The following CCDC91 variants were observed in gnomAD, a reference collection of about 807,000 sequenced individuals.
The protein encoded by CCDC91 is coiled-coil domain-containing protein 91.
In CCDC91, 48 loss-of-function variants were observed where a neutral mutation model predicts 63.2. That is an observed-to-expected ratio of 0.76 (90% confidence interval 0.60 to 0.97). The LOEUF (loss-of-function observed/expected upper bound fraction) is 0.97, where lower values mean the gene tolerates loss of function less well. CCDC91 is among the 50% of genes least tolerant of loss of function. The pLI is 0.00. For synonymous variants in CCDC91, 167 were observed against 165.8 expected (o/e 1.01, Z -0.06); for missense variants, 500 against 494.6 (o/e 1.01, Z -0.10).
chr12:28,522,405 G>C (rs1940788553), intron 12 of CCDC91, among the ~76,000 whole-genome samples: 1 of 152,100 alleles, frequency 6.6e-6, no homozygotes, highest in Non-Finnish European at 1.5e-5. Context: ...ATTTCTGTGG[G>C]ATCGGTGGTG....
chr12:28,304,374 C>T (rs12228567), intron 3 of CCDC91, among the ~76,000 whole-genome samples: 2 of 29,932 alleles, frequency 6.7e-5, no homozygotes, highest in African/African-American at 1.2e-4. Context: ...GAGACTCCGT[C>T]TAAAAAAAAA....
intron 8 of CCDC91, among the ~76,000 whole-genome samples, chr12:28,396,767 T>TG (rs957238547): frequency 1.2e-4 from 18 of 151,990 alleles, no homozygotes; most frequent in African/African-American, 4.1e-4. Flanking sequence ...TTTTTCTGTA[T>TG]GGGGTCCAAA....
At chr12:28,267,963 A>C (rs1300296253) in intron 3 of CCDC91, among the ~76,000 whole-genome samples, 2 of 111,906 alleles carry the variant, frequency 1.8e-5, no homozygotes, top group Non-Finnish European at 3.4e-5. Context: ...ATATAATTAT[A>C]TATAATTAAT....
intron 6 of CCDC91, among the ~76,000 whole-genome samples, chr12:28,349,658 T>G (rs1352153251): frequency 6.6e-6 from 1 of 152,168 alleles, no homozygotes. Context: ...CCATTTAGTC[T>G]CCTGTCTGGT....
At chr12:28,310,119 A>G (rs1016655700) in intron 6 of CCDC91, among the ~76,000 whole-genome samples, 3 of 152,004 alleles carry the variant, frequency 2.0e-5, no homozygotes, top group Non-Finnish European at 4.4e-5. Context: ...GTGTATAGCC[A>G]CACTTACTGA....
intron 7 of CCDC91, among the ~76,000 whole-genome samples, chr12:28,387,063 AG>A (rs1438260756): frequency 1.3e-5 from 2 of 152,206 alleles, no homozygotes; most frequent in African/African-American, 4.8e-5. Context: ...AGAAACGTAA[AG>A]GAATCTCTGT....
chr12:28,274,086 A>G (rs1351514485), intron 3 of CCDC91, among the ~76,000 whole-genome samples: 1 of 152,192 alleles, frequency 6.6e-6, no homozygotes, highest in Non-Finnish European at 1.5e-5. Flanking sequence ...GGCACCATTT[A>G]TTAAACAGGG....
At chr12:28,253,364 G>C (rs1463780611) in intron 1 of CCDC91, among the ~76,000 whole-genome samples, 1 of 152,032 alleles carries the variant, frequency 6.6e-6, no homozygotes, top group South Asian at 2.1e-4. Context: ...ACTTCACCTA[G>C]TCCACCTGTG....
At chr12:28,218,844 T>C (rs1943744381) in intron 1 of CCDC91, among the ~76,000 whole-genome samples, 1 of 152,150 alleles carries the variant, frequency 6.6e-6, no homozygotes, top group South Asian at 2.1e-4. Context: ...TGAGTAACAT[T>C]GTATGGATGT....
At chr12:28,191,308 A>G (rs1344061916) in intron 1 of CCDC91, 1 of 152,268 alleles carries the variant, frequency 6.6e-6, no homozygotes, top group African/African-American at 2.4e-5. Context: ...GTGGAACTCT[A>G]TTAAAAGCTG....
chr12:28,462,324 A>G (rs1446446802), intron 11 of CCDC91, among the ~76,000 whole-genome samples: 1 of 152,096 alleles, frequency 6.6e-6, no homozygotes, highest in East Asian at 1.9e-4. Flanking sequence ...TGAGTAGGGA[A>G]CTATAGTTAA....
intron 11 of CCDC91, among the ~76,000 whole-genome samples, chr12:28,467,259 A>C (rs1458949190): frequency 1.3e-5 from 2 of 152,128 alleles, no homozygotes; most frequent in African/African-American, 4.8e-5. Context: ...GACTGAAGAA[A>C]AAGGGATGGA....
intron 6 of CCDC91, among the ~76,000 whole-genome samples, chr12:28,359,612 A>C (rs1316591483): frequency 6.6e-6 from 1 of 152,102 alleles, no homozygotes; most frequent in Non-Finnish European, 1.5e-5. Context: ...AATTTCCACA[A>C]TTTGTTTGAC....
intron 7 of CCDC91, among the ~76,000 whole-genome samples, chr12:28,388,568 C>A (rs1945746598): frequency 6.6e-6 from 1 of 152,132 alleles, no homozygotes; most frequent in African/African-American, 2.4e-5. Context: ...CAAAAGACTT[C>A]TACAAGGAAA....
intron 12 of CCDC91, among the ~76,000 whole-genome samples, chr12:28,538,154 G>A (rs1470077439): frequency 1.3e-5 from 2 of 148,460 alleles, no homozygotes; most frequent in Non-Finnish European, 3.0e-5. Flanking sequence ...TGTGCACAAC[G>A]TGCAGGTTAG....
chr12:28,408,005 T>C (rs896460142), intron 8 of CCDC91, among the ~76,000 whole-genome samples: 34 of 151,490 alleles, frequency 2.2e-4, no homozygotes, highest in Non-Finnish European at 1.6e-4. Context: ...CTGGGATACA[T>C]GTGCAGAACG....
intron 12 of CCDC91, among the ~76,000 whole-genome samples, chr12:28,495,653 G>T (rs73087915): frequency 0.016 from 2,493 of 151,740 alleles, 32 homozygotes; most frequent in African/African-American, 0.029. Flanking sequence ...GCAATTGGTG[G>T]CCTTGATTAT....
intron 7 of CCDC91, among the ~76,000 whole-genome samples, chr12:28,366,200 G>A (rs1292840614): frequency 6.6e-6 from 1 of 151,478 alleles, no homozygotes; most frequent in East Asian, 1.9e-4. Context: ...CCTGAAATAA[G>A]TCCCTGAAAG....
intron 6 of CCDC91, among the ~76,000 whole-genome samples, chr12:28,345,756 CAATAT>C (rs796229066): frequency 3.9e-5 from 6 of 152,080 alleles, no homozygotes; most frequent in African/African-American, 1.4e-4. Flanking sequence ...ACATACTTTA[CAATAT>C]TTCTGCTTCT....
Sources: allele counts gnomAD v4.1 joint callset (sites outside exome capture counted in the v4.1 genomes callset), GRCh38; gene constraint gnomAD v4.1.1; transcripts MANE v1.5; gene names NCBI Gene and HGNC (gene_info 2026-07-23, HGNC 2026-07-21).